The following NFIX variants were observed in gnomAD, a reference collection of about 807,000 sequenced individuals.
NFIX encodes the protein nuclear factor 1 X-type.
In NFIX, 2 loss-of-function variants were observed where a neutral mutation model predicts 53.3. The ratio of observed to expected loss-of-function variants is 0.04; its 90% CI spans 0.02 to 0.12. The LOEUF (loss-of-function observed/expected upper bound fraction) is 0.12, where lower values mean the gene tolerates loss of function less well. Ranked by LOEUF, NFIX falls within the 10% of genes least tolerant of loss-of-function variation. The pLI is 1.00. For synonymous variants in NFIX, 244 were observed against 289.0 expected (o/e 0.84, Z 1.58); for missense variants, 310 against 674.5 (o/e 0.46, Z 5.99).
At chr19:13,034,908 G>T (rs954640276) in intron 2 of NFIX, among the ~76,000 whole-genome samples, 1 of 152,188 alleles carries the variant, frequency 6.6e-6, no homozygotes, top group Non-Finnish European at 1.5e-5. Context: ...CCCTTGAGCA[G>T]CATTTCCCAA....
rs1034832227 is a variant in NFIX, at chr19:13,002,340, C to T, written c.27+6476C>T. ...CGATTTTTGGCTCCAGCTCTGGGCG[C>T]GTTCACTAAAGGAAGAAGGGCTAGC... On this transcript the variant is annotated intron_variant, in intron 1 of 10. Transcript: ENST00000592199. The surrounding 1 kb of genome is among the most constrained non-coding windows in gnomAD (Gnocchi z 6.1). 1.3e-5 allele frequency among the ~76,000 whole-genome samples: 2 copies of T among 152,042 alleles called. No homozygotes were observed. The highest frequency in any genetic ancestry group is 2.4e-5 in the African/African-American group (1 of 41,412).
Position 13,002,780 on chromosome 19 carries a change from C to T in NFIX, c.27+6916C>T, listed in dbSNP as rs187143964. On this transcript the variant is annotated intron_variant, in intron 1 of 10. Coordinates refer to ENST00000592199, the MANE Select transcript of NFIX (RefSeq NM_001365902.3). This position sits in a 1 kb window ranked among gnomAD's most constrained non-coding sequence, Gnocchi z 6.1. ...CCGGGGTTGCACTGGGGAGCTCTCC[C>T]CCCACTGGGCCCCACCCTGAGGGGA... 7.9e-5 allele frequency among the ~76,000 whole-genome samples: 12 copies of T among 152,312 alleles called. No individual in the cohort carries two copies. Among genetic ancestry groups the T allele is most frequent in the Admixed American group, 5.2e-4 (8 of 15,304 alleles).
chr19:13,092,086 C>T (rs771798721), intron 10 of NFIX, among the ~76,000 whole-genome samples: 4 of 152,070 alleles, frequency 2.6e-5, no homozygotes, highest in East Asian at 1.9e-4. Context: ...CTGGAGCCCT[C>T]GGGCCTGGGG....
At position 13,093,882 on chromosome 19, in the gene NFIX, G is replaced by T. The variant is rs1160664439; in HGVS notation, c.1495-753G>T. Among the ~76,000 whole-genome samples the T allele has an allele frequency of 2.6e-5, 4 of 152,080 alleles. No homozygotes were observed. The South Asian group carries it at 6.2e-4, about 24-fold the overall frequency. The stretch of plus-strand genomic sequence containing the variant: ...TAGCCAAGCAGCCCAGACCCTTGGG[G>T]TCTGCCCTGGGTGTGCTCTGAGCTG... On this transcript the variant is annotated intron_variant, in intron 10 of 10. Transcript: ENST00000592199. The surrounding 1 kb of genome is among the most constrained non-coding windows in gnomAD (Gnocchi z 4.7).
At chr19:13,033,490 G>A (rs1158344475) in intron 2 of NFIX, among the ~76,000 whole-genome samples, 2 of 152,172 alleles carry the variant, frequency 1.3e-5, no homozygotes, top group Non-Finnish European at 2.9e-5. Flanking sequence ...CCTTACTGAT[G>A]ACATGGCATG....
intron 1 of NFIX, among the ~76,000 whole-genome samples, chr19:13,023,586 G>T (rs2013086950): frequency 6.6e-6 from 1 of 151,376 alleles, no homozygotes; most frequent in East Asian, 1.9e-4. Flanking sequence ...GTTGTGGGGA[G>T]ATGGTGGGAG....
Position 13,009,627 on chromosome 19 carries a change from A to C in NFIX, c.27+13763A>C, listed in dbSNP as rs2012221040. ...AGAAACAGGAGGAAGAGGCTTCCTG[A>C]TTCCCCGCTTAAGGGTGTTCAAACT... On this transcript the variant is annotated intron_variant, in intron 1 of 10. Transcript: ENST00000592199. This position sits in a 1 kb window ranked among gnomAD's most constrained non-coding sequence, Gnocchi z 4.7. 6.6e-6 allele frequency among the ~76,000 whole-genome samples: 1 copy of C among 152,190 alleles called. No individual in the cohort carries two copies.
intron 2 of NFIX, among the ~76,000 whole-genome samples, chr19:13,026,674 T>C (rs2013377721): frequency 6.6e-6 from 1 of 152,172 alleles, no homozygotes; most frequent in African/African-American, 2.4e-5. Context: ...AAGGCAGAAG[T>C]GTGTTTACAT....
chr19:13,023,144 T>C (rs2013047078), intron 1 of NFIX, among the ~76,000 whole-genome samples: 2 of 144,862 alleles, frequency 1.4e-5, no homozygotes, highest in South Asian at 2.2e-4. Flanking sequence ...CACAAGCAAA[T>C]GGATGGGGAT....
At chr19:13,053,309 T>A (rs1338552020) in intron 2 of NFIX, among the ~76,000 whole-genome samples, 1 of 152,110 alleles carries the variant, frequency 6.6e-6, no homozygotes, top group Non-Finnish European at 1.5e-5. Flanking sequence ...TCCTTTTCCT[T>A]CTTCCTCTTG....
chr19:13,024,688 T>A, intron 1 of NFIX: 1 of 1,536,392 alleles, frequency 6.5e-7, no homozygotes, highest in Non-Finnish European at 8.7e-7. Context: ...AGCGTGTGTG[T>A]GTGGACGGCA....
Position 13,073,385 on chromosome 19 carries a change from G to A in NFIX, c.623-37G>A, listed in dbSNP as rs1166619338. 6.4e-7 allele frequency: 1 copy of A among 1,564,818 alleles called. No homozygotes were observed. Among genetic ancestry groups the A allele is most frequent in the Non-Finnish European group, 8.8e-7 (1 of 1,135,080 alleles). ...GAAATAGCCAGGCAGCCCCCTTCTGGCCTTGTCTTGACTCACTCATCCTTT... is the reference window on the plus strand; with the variant it reads ...GAAATAGCCAGGCAGCCCCCTTCTGACCTTGTCTTGACTCACTCATCCTTT... On this transcript the variant is annotated intron_variant, in intron 3 of 10. Transcript: ENST00000592199. This position sits in a 1 kb window ranked among gnomAD's most constrained non-coding sequence, Gnocchi z 4.5.
chr19:13,024,549 G>A, intron 1 of NFIX: 4 of 1,529,518 alleles, frequency 2.6e-6, no homozygotes, highest in East Asian at 4.9e-5. Context: ...GGCCCCGCAC[G>A]CCCCCGCGTG....
chr19:13,023,542 G>T (rs896374556), intron 1 of NFIX, among the ~76,000 whole-genome samples: 10 of 151,308 alleles, frequency 6.6e-5, no homozygotes, highest in Non-Finnish European at 1.3e-4. Flanking sequence ...TTTTGTTTTT[G>T]TTTTGCACGG....
chr19:13,083,515 T>C (rs943351891), intron 8 of NFIX, among the ~76,000 whole-genome samples: 1 of 152,204 alleles, frequency 6.6e-6, no homozygotes, highest in Non-Finnish European at 1.5e-5. Context: ...TTGACTTGAC[T>C]GTTCAAGATT....
At position 12,999,841 on chromosome 19, in the gene NFIX, C is replaced by T. The variant is rs1342018306; in HGVS notation, c.27+3977C>T. ...GAAGCTATAGCTCTCTGTCCCTGCT[C>T]CGGCCTGGTGCCCTGTTTTCATGGC... On this transcript the variant is annotated intron_variant, in intron 1 of 10. Transcript: ENST00000592199. Among the ~76,000 whole-genome samples the T allele has an allele frequency of 3.3e-5, 5 of 152,254 alleles. No homozygotes were observed. The East Asian group carries it at 9.6e-4, about 29-fold the overall frequency.
In NFIX at chr19:13,073,805, A is replaced by T; in HGVS notation, c.698-101A>T. The stretch of plus-strand genomic sequence containing the variant: ...TTCTCCCATCTCCTGGCCCCACAGT[A>T]AACTCACCCTGGGCTTCTGGGAAGC... On this transcript the variant is annotated intron_variant, in intron 4 of 10. Coordinates refer to ENST00000592199, the MANE Select transcript of NFIX (RefSeq NM_001365902.3). This position sits in a 1 kb window ranked among gnomAD's most constrained non-coding sequence, Gnocchi z 4.5. 1 of 1,511,836 alleles carries T rather than the reference A, an allele frequency of 6.6e-7. No homozygotes were observed. The highest frequency in any genetic ancestry group is 9.0e-7 in the Non-Finnish European group (1 of 1,105,306). The allele number at this position is 1,511,836 out of a possible 1,614,324, so 93.7% of individuals were successfully genotyped here.
rs1000903268 is a variant in NFIX, at chr19:13,090,735, T to C, written c.1494+345T>C. Among the ~76,000 whole-genome samples, 2 of 152,220 alleles carry C rather than the reference T, an allele frequency of 1.3e-5. No homozygotes were observed. The highest frequency in any genetic ancestry group is 2.9e-5 in the Non-Finnish European group (2 of 68,020). On this transcript the variant is annotated intron_variant, in intron 10 of 10. Coordinates refer to ENST00000592199, the MANE Select transcript of NFIX (RefSeq NM_001365902.3). The surrounding 1 kb of genome is among the most constrained non-coding windows in gnomAD (Gnocchi z 6.6). Reference sequence around the variant, plus strand: ...GGGAGGAGAATAGAGTCTGCCTCACTGCTTTCACCTGCCCCGACTGGAAGC... The same window carrying C: ...GGGAGGAGAATAGAGTCTGCCTCACCGCTTTCACCTGCCCCGACTGGAAGC...
chr19:13,041,237 C>T (rs987046806), intron 2 of NFIX, among the ~76,000 whole-genome samples: 1 of 152,154 alleles, frequency 6.6e-6, no homozygotes, highest in Non-Finnish European at 1.5e-5. Context: ...TTATGTTGTT[C>T]TATGATTTGG....
Sources: allele counts gnomAD v4.1 joint callset (sites outside exome capture counted in the v4.1 genomes callset), GRCh38; gene constraint gnomAD v4.1.1; non-coding constraint Gnocchi (gnomAD v3.1); transcripts MANE v1.5; gene names NCBI Gene and HGNC (gene_info 2026-07-23, HGNC 2026-07-21).